The following C1QTNF12 variants were observed in gnomAD, a reference collection of about 807,000 sequenced individuals.
C1QTNF12 encodes adipolin.
Under a neutral mutation model 34.3 loss-of-function variants are expected in C1QTNF12, and 39 were observed. The observed-to-expected ratio is 1.14, with a 90% confidence interval of 0.88 to 1.49. The LOEUF is 1.49. Ranked by LOEUF, C1QTNF12 falls within the 40% of genes most tolerant of loss-of-function variation. C1QTNF12 has a pLI of 0.00. For missense variants in C1QTNF12, 497 were observed against 424.7 expected (o/e 1.17, Z -1.50); for synonymous variants, 220 against 196.9 (o/e 1.12, Z -0.98).
In C1QTNF12 at chr1:1,242,481, C is replaced by G. The variant is rs762834948; in HGVS notation, c.*67G>C. On this transcript the variant is annotated 3_prime_UTR_variant, in exon 8 of 8. Transcript: ENST00000330388. ...GGTGGAGGGCTCTTTATTGTGGTGA[C>G]CACGGGCATCAGTAGGAGGGTCCCC... is the stretch of plus-strand genomic sequence containing the variant. 1.8e-5 allele frequency: 22 copies of G among 1,233,974 alleles called. No individual in the cohort carries two copies. Among genetic ancestry groups the G allele is most frequent in the Non-Finnish European group, 2.4e-5 (21 of 876,558 alleles). 76.4% of individuals were successfully genotyped at this position (1,233,974 alleles called of 1,614,324 possible). A position where few individuals can be genotyped will look rare whatever the true frequency, so the allele number is the denominator to read the frequency against.
At position 1,242,504 on chromosome 1, in the gene C1QTNF12, C is replaced by G. The variant is rs766955483; in HGVS notation, c.*44G>C. ...GACCACGGGCATCAGTAGGAGGGTC[C>G]CCGGGATCCGGCGGCAGCTCCTCGC... is the stretch of plus-strand genomic sequence containing the variant. On this transcript the variant is annotated 3_prime_UTR_variant, in exon 8 of 8. Coordinates refer to ENST00000330388, the MANE Select transcript of C1QTNF12 (RefSeq NM_001014980.3). The G allele has an allele frequency of 2.7e-6, 4 of 1,458,004 alleles. No homozygotes were observed. Among genetic ancestry groups the G allele is most frequent in the Non-Finnish European group, 2.8e-6 (3 of 1,069,380 alleles). The allele number at this position is 1,458,004 out of a possible 1,614,324, so 90.3% of individuals were successfully genotyped here. A position where few individuals can be genotyped will look rare whatever the true frequency, so the allele number is the denominator to read the frequency against.
chr1:1,244,167 T>G lies in C1QTNF12; in HGVS notation c.379+24A>C, dbSNP rs537132663. 46 of 1,565,514 alleles carry G rather than the reference T, an allele frequency of 2.9e-5. No homozygotes were observed. In the East Asian group the frequency reaches 8.5e-4, roughly 29 times the overall value. On this transcript the variant is annotated intron_variant, in intron 3 of 7. Coordinates refer to ENST00000330388, the MANE Select transcript of C1QTNF12 (RefSeq NM_001014980.3). ...GCACAGGGCCCAGGCACGTCTGGTC[T>G]CTGGGCAGTGCAGGGCGGCTGACCT...
At chr1:1,243,379 A>C in intron 5 of C1QTNF12, 65 bp downstream of exon 5, 1 of 1,425,868 alleles carries the variant, frequency 7.0e-7, no homozygotes, top group Non-Finnish European at 9.6e-7. Flanking sequence ...CGGCGATGCC[A>C]GGCGCCCCCA....
rs990961652 is a variant in C1QTNF12 at position 1,246,128 on chromosome 1, G to A, written c.177+386C>T. On this transcript the variant is annotated intron_variant, in intron 1 of 7. Transcript: ENST00000330388. This position sits in a 1 kb window ranked among gnomAD's most constrained non-coding sequence, Gnocchi z 4.5. ...TCATGGGGCGCTGGACTCCCAAGGG[G>A]TCTGGTGAACCATCCAGCAAGCAGC... is the stretch of plus-strand genomic sequence containing the variant. 6.6e-6 allele frequency among the ~76,000 whole-genome samples: 1 copy of A among 152,182 alleles called. No individual in the cohort carries two copies. The highest frequency in any genetic ancestry group is 1.5e-5 in the Non-Finnish European group (1 of 68,014).
At chr1:1,244,142 G>T in intron 3 of C1QTNF12, 37 bp from the exon 4 acceptor site, 1 of 1,561,694 alleles carries the variant, frequency 6.4e-7, no homozygotes. Flanking sequence ...AGCAGGGTCA[G>T]CACAGGGCCC....
Position 1,242,828 on chromosome 1 carries a change from G to T in C1QTNF12, c.810+7C>A. The T allele has an allele frequency of 6.2e-7, 1 of 1,612,130 alleles. No homozygotes were observed. The highest frequency in any genetic ancestry group is 8.5e-7 in the Non-Finnish European group (1 of 1,179,612). The stretch of plus-strand genomic sequence containing the variant: ...AGCCCTCCCGCTCACACCCGGCCCG[G>T]ACTCACCTGCAGCTGCAGCAGCCCC... On this transcript the variant is annotated splice_region_variant and intron_variant, in intron 7 of 7. Coordinates refer to ENST00000330388, the MANE Select transcript of C1QTNF12 (RefSeq NM_001014980.3).
chr1:1,243,385 C>A, intron 5 of C1QTNF12, 59 bp downstream of exon 5: 1 of 1,473,660 alleles, frequency 6.8e-7, no homozygotes, highest in Non-Finnish European at 9.3e-7. Flanking sequence ...TGCCAGGCGC[C>A]CCCAGAAAGC....
At chr1:1,245,617 C>T (rs1372726102) in intron 1 of C1QTNF12, among the ~76,000 whole-genome samples, 2 of 152,078 alleles carry the variant, frequency 1.3e-5, no homozygotes, top group Non-Finnish European at 2.9e-5. Context: ...CACTGCCCCG[C>T]CCCTGCCAGC....
Position 1,244,517 on chromosome 1 carries a change from C to T in C1QTNF12, c.178-20G>A. The T allele has an allele frequency of 6.4e-7, 1 of 1,560,504 alleles. No individual in the cohort carries two copies. Among genetic ancestry groups the T allele is most frequent in the Non-Finnish European group, 8.8e-7 (1 of 1,133,132 alleles). On this transcript the variant is annotated intron_variant, in intron 1 of 7. Coordinates refer to ENST00000330388, the MANE Select transcript of C1QTNF12 (RefSeq NM_001014980.3). ...GGATGGCTGAAGGGACGGGACGGGG[C>T]TAGCGCACTGAGGCTGCACCCTGCA...
At chr1:1,244,760 C>G in intron 1 of C1QTNF12, 1 of 397,306 alleles carries the variant, frequency 2.5e-6, no homozygotes, top group South Asian at 3.7e-5. Flanking sequence ...CCTCCCCCCA[C>G]TCCTCATCCC....
At chr1:1,246,766 G>GC (rs1424535195), upstream of C1QTNF12, 4 of 1,102,418 alleles carry the variant, frequency 3.6e-6, no homozygotes, top group African/African-American at 4.9e-5. This position sits in a 1 kb window ranked among gnomAD's most constrained non-coding sequence, Gnocchi z 4.5. Flanking sequence ...GGCGCTCAGA[G>GC]CCCCCGCGCG....
upstream of C1QTNF12, chr1:1,246,793 G>T: frequency 1.2e-6 from 1 of 858,800 alleles, no homozygotes; most frequent in Admixed American, 4.7e-5. This position sits in a 1 kb window ranked among gnomAD's most constrained non-coding sequence, Gnocchi z 4.5. Flanking sequence ...AGGCCCAGGG[G>T]CGCGCCCGGC....
At chr1:1,246,746 G>A (rs1638903214), upstream of C1QTNF12, 1 of 1,186,352 alleles carries the variant, frequency 8.4e-7, no homozygotes, top group African/African-American at 1.6e-5. The surrounding 1 kb of genome is among the most constrained non-coding windows in gnomAD (Gnocchi z 4.5). Flanking sequence ...GCGCAGTCAT[G>A]GGGACGGCCG....
upstream of C1QTNF12, among the ~76,000 whole-genome samples, chr1:1,247,011 C>T (rs1403422376): frequency 6.6e-6 from 1 of 152,104 alleles, no homozygotes; most frequent in East Asian, 1.9e-4. Context: ...GATCAGCCAG[C>T]CGCCCGGGCG....
chr1:1,243,191 C>T (rs1368298597), intron 5 of C1QTNF12, 39 bp from the exon 6 acceptor site: 28 of 56,352 alleles, frequency 5.0e-4, no homozygotes, highest in East Asian at 3.6e-3. Context: ...GCATGGGGGG[C>T]GGGGTGGGGG....
rs540765955 is a variant in C1QTNF12 at position 1,244,602 on chromosome 1, C to T, written c.178-105G>A. ...AGGGCAGAACCAGGGAAGGCATCGC[C>T]GGCCAGGAGAAGGACCCACGGCCGC... On this transcript the variant is annotated intron_variant, in intron 1 of 7. Coordinates refer to ENST00000330388, the MANE Select transcript of C1QTNF12 (RefSeq NM_001014980.3). The T allele has an allele frequency of 5.9e-5, 54 of 915,630 alleles. No individual in the cohort carries two copies. In the East Asian group the frequency reaches 9.0e-4, roughly 15 times the overall value. The allele number at this position is 915,630 out of a possible 1,614,324, so 56.7% of individuals were successfully genotyped here.
At position 1,246,472 on chromosome 1, in the gene C1QTNF12, G is replaced by A. The variant is rs1557537186; in HGVS notation, c.177+42C>T. 8.1e-7 allele frequency: 1 copy of A among 1,227,938 alleles called. No individual in the cohort carries two copies. The highest frequency in any genetic ancestry group is 1.0e-6 in the Non-Finnish European group (1 of 984,882). The allele number at this position is 1,227,938 out of a possible 1,614,324, so 76.1% of individuals were successfully genotyped here. ...GAGGACGCCCCAGAGCCCCAGCTCC[G>A]AAGCTGCCCCGCGAGGGCCCACGTG... On this transcript the variant is annotated intron_variant, in intron 1 of 7. Coordinates refer to ENST00000330388, the MANE Select transcript of C1QTNF12 (RefSeq NM_001014980.3). This position sits in a 1 kb window ranked among gnomAD's most constrained non-coding sequence, Gnocchi z 4.5.
At chr1:1,243,830 T>G in intron 4 of C1QTNF12, 124 bp downstream of exon 4, 63 of 905,694 alleles carry the variant, frequency 7.0e-5, no homozygotes, top group Non-Finnish European at 8.8e-5. Flanking sequence ...CCCCTCGCCC[T>G]CCGAGCCCCG....
At chr1:1,242,760 T>A (rs550467462) in intron 7 of C1QTNF12, 75 bp downstream of exon 7, 10 of 1,575,712 alleles carry the variant, frequency 6.3e-6, no homozygotes, top group Admixed American at 1.7e-5. Context: ...GTCTGCGCCC[T>A]GAGTGCACCG....
Sources: allele counts gnomAD v4.1 joint callset (sites outside exome capture counted in the v4.1 genomes callset), GRCh38; gene constraint gnomAD v4.1.1; non-coding constraint Gnocchi (gnomAD v3.1); transcripts MANE v1.5; gene names NCBI Gene and HGNC (gene_info 2026-07-23, HGNC 2026-07-21).